CDH13: variants seen among roughly 807,000 people sequenced by gnomAD.
The protein encoded by CDH13 is cadherin-13.
Under a neutral mutation model 63.8 loss-of-function variants are expected in CDH13, and 24 were observed. That is an observed-to-expected ratio of 0.38 (90% CI 0.27 to 0.53). CDH13 has a LOEUF of 0.53. Among genes scored for constraint, CDH13 ranks in the 20% least tolerant of loss-of-function variants. The pLI is 0.85. For missense variants in CDH13, 1,049 were observed against 903.1 expected, an observed-to-expected ratio of 1.16 and a Z score of -2.07; for synonymous variants, 503 against 355.3, an observed-to-expected ratio of 1.42 and a Z score of -4.67.
chr16:83,494,671 G>A (rs2074095076), intron 7 of CDH13, among the ~76,000 whole-genome samples: 1 of 152,176 alleles, frequency 6.6e-6, no homozygotes, highest in Admixed American at 6.5e-5. Context: ...GATTCCACTG[G>A]AAAGCAGTTT....
intron 8 of CDH13, among the ~76,000 whole-genome samples, chr16:83,654,191 GTTCT>G (rs1279176869): frequency 1.3e-5 from 2 of 151,764 alleles, no homozygotes; most frequent in Admixed American, 6.6e-5. Flanking sequence ...ATTTGTTCCG[GTTCT>G]TTCTATCAGG....
At chr16:82,980,474 C>T (rs1258611858) in intron 2 of CDH13, among the ~76,000 whole-genome samples, 1 of 152,180 alleles carries the variant, frequency 6.6e-6, no homozygotes, top group Non-Finnish European at 1.5e-5. Context: ...TGATTAAACA[C>T]AACACAGTAT....
At chr16:83,581,022 T>C (rs1251929017) in intron 7 of CDH13, among the ~76,000 whole-genome samples, 2 of 152,204 alleles carry the variant, frequency 1.3e-5, no homozygotes, top group African/African-American at 4.8e-5. Flanking sequence ...TGCCATTTAT[T>C]CTGTTTATTT....
chr16:83,160,533 C>T (rs1192750418), intron 4 of CDH13, among the ~76,000 whole-genome samples: 2 of 152,082 alleles, frequency 1.3e-5, no homozygotes, highest in African/African-American at 4.8e-5. Flanking sequence ...GACGTATGGA[C>T]GTAGATCAAA....
intron 2 of CDH13, among the ~76,000 whole-genome samples, chr16:82,877,021 T>C (rs1457206125): frequency 6.6e-6 from 1 of 152,232 alleles, no homozygotes; most frequent in Non-Finnish European, 1.5e-5. Flanking sequence ...ATAACTGGTG[T>C]TAAAACAAGA....
chr16:83,733,306 C>T (rs1911218377), intron 10 of CDH13, among the ~76,000 whole-genome samples: 2 of 152,342 alleles, frequency 1.3e-5, no homozygotes, highest in East Asian at 1.9e-4. Flanking sequence ...ACACTGGACT[C>T]GTGCTCCTGG....
chr16:83,091,808 A>G (rs1005965477), intron 3 of CDH13, among the ~76,000 whole-genome samples: 1 of 152,228 alleles, frequency 6.6e-6, no homozygotes, highest in Non-Finnish European at 1.5e-5. Context: ...TGGGTGTATA[A>G]TAACTGTTTG....
At chr16:83,142,515 G>T (rs77789455) in intron 4 of CDH13, among the ~76,000 whole-genome samples, 1 of 152,118 alleles carries the variant, frequency 6.6e-6, no homozygotes, top group Non-Finnish European at 1.5e-5. Flanking sequence ...GAGGTTGAAC[G>T]TTACCTCCTC....
At chr16:83,005,119 C>T (rs1324226041) in intron 2 of CDH13, among the ~76,000 whole-genome samples, 1 of 152,136 alleles carries the variant, frequency 6.6e-6, no homozygotes. Context: ...AACTAAGTAG[C>T]CAGGTACCTG....
At chr16:82,902,983 C>G (rs1423070081) in intron 2 of CDH13, among the ~76,000 whole-genome samples, 1 of 152,212 alleles carries the variant, frequency 6.6e-6, no homozygotes, top group Non-Finnish European at 1.5e-5. Context: ...TGGCTAGCAA[C>G]TGTTGACTCC....
intron 1 of CDH13, among the ~76,000 whole-genome samples, chr16:82,726,357 TG>T (rs1387873218): frequency 6.6e-6 from 1 of 152,236 alleles, no homozygotes; most frequent in Non-Finnish European, 1.5e-5. Context: ...TAAGTGAGGA[TG>T]TGACTGTGTT....
intron 2 of CDH13, among the ~76,000 whole-genome samples, chr16:82,961,367 G>A (rs936667436): frequency 4.6e-5 from 7 of 152,146 alleles, no homozygotes; most frequent in African/African-American, 1.7e-4. Flanking sequence ...AAATGGAGAC[G>A]AGAGAGGAAG....
At chr16:83,753,336 G>C (rs1913243705) in intron 11 of CDH13, among the ~76,000 whole-genome samples, 1 of 152,124 alleles carries the variant, frequency 6.6e-6, no homozygotes, top group Non-Finnish European at 1.5e-5. Context: ...CTGAACCTAG[G>C]AGTTCAAAAC....
chr16:83,488,144 A>G (rs1003032096), intron 7 of CDH13, among the ~76,000 whole-genome samples: 1 of 152,240 alleles, frequency 6.6e-6, no homozygotes, highest in African/African-American at 2.4e-5. Context: ...TCAGCTTCAC[A>G]GTCACAGACA....
intron 4 of CDH13, among the ~76,000 whole-genome samples, chr16:83,142,613 C>T (rs1382558002): frequency 6.6e-6 from 1 of 152,190 alleles, no homozygotes; most frequent in Non-Finnish European, 1.5e-5. Flanking sequence ...GCACTGATCA[C>T]ACCAGTGATT....
At chr16:83,663,289 G>C (rs9930145) in intron 8 of CDH13, among the ~76,000 whole-genome samples, 36,022 of 151,944 alleles carry the variant, frequency 0.24, 5,033 homozygotes, top group African/African-American at 0.37. Context: ...GTAGGTTTAG[G>C]TCCCTCAAAT....
chr16:83,683,793 C>T (rs1315903304), intron 10 of CDH13, among the ~76,000 whole-genome samples: 2 of 152,106 alleles, frequency 1.3e-5, no homozygotes, highest in Non-Finnish European at 2.9e-5. Flanking sequence ...TTGGCATATA[C>T]AGAATTCTTT....
intron 4 of CDH13, among the ~76,000 whole-genome samples, chr16:83,172,942 C>A (rs2037985127): frequency 6.6e-6 from 1 of 152,080 alleles, no homozygotes; most frequent in Admixed American, 6.6e-5. Flanking sequence ...TGATGCTGAA[C>A]CAAGCCAACA....
chr16:83,099,457 G>A (rs1337316763), intron 3 of CDH13, among the ~76,000 whole-genome samples: 1 of 151,498 alleles, frequency 6.6e-6, no homozygotes, highest in Non-Finnish European at 1.5e-5. Context: ...CAGAGTAGCT[G>A]GGATTACAGG....
Sources: gnomAD v4.1 joint callset for allele counts (sites outside exome capture counted in the v4.1 genomes callset) on GRCh38, gnomAD v4.1.1 for gene constraint, MANE v1.5 for transcripts, NCBI Gene and HGNC (gene_info 2026-07-23, HGNC 2026-07-21) for gene names.